RALGAPA2: variants seen among roughly 807,000 people sequenced by gnomAD.
The protein encoded by RALGAPA2 is ral GTPase-activating protein subunit alpha-2.
Under a neutral mutation model 230.4 loss-of-function variants are expected in RALGAPA2, and 139 were observed. The observed-to-expected ratio is 0.60, with a 90% CI of 0.53 to 0.69. The LOEUF (loss-of-function observed/expected upper bound fraction) is 0.69. RALGAPA2 is among the 30% of genes least tolerant of loss of function. The pLI is 0.00. For missense variants in RALGAPA2, 2,163 were observed against 2,276.0 expected (o/e 0.95, Z 1.01); for synonymous variants, 847 against 837.8 (o/e 1.01, Z -0.19).
At chr20:20,426,929 C>T (rs2060395103) in intron 37 of RALGAPA2, among the ~76,000 whole-genome samples, 1 of 152,212 alleles carries the variant, frequency 6.6e-6, no homozygotes, top group Non-Finnish European at 1.5e-5. Context: ...TCATTTAATC[C>T]TCACAACTTC....
chr20:20,540,736 T>C (rs901405661), intron 24 of RALGAPA2, among the ~76,000 whole-genome samples: 1 of 152,140 alleles, frequency 6.6e-6, no homozygotes, highest in Non-Finnish European at 1.5e-5. Context: ...TAGTCTCTAT[T>C]GTGTTGATTC....
Position 20,635,501 on chromosome 20 carries a change from C to G in RALGAPA2, c.922G>C (p.Val308Leu). The G allele has an allele frequency of 1.3e-6, 2 of 1,597,820 alleles. No individual in the cohort carries two copies. The highest frequency in any genetic ancestry group is 1.7e-6 in the Non-Finnish European group (2 of 1,173,902). The change falls in exon 9 of 40, where the codon GTA becomes CTA. Residue 308 changes from valine to leucine, a missense_variant. By Grantham distance (32) the Val-to-Leu change is conservative (BLOSUM62 1). Coordinates refer to ENST00000202677, the MANE Select transcript of RALGAPA2 (RefSeq NM_020343.4). ...AARVVFIKWIVTFFLEKKYLT... is the reference protein window; with the variant it reads ...AARVVFIKWILTFFLEKKYLT... ...TACTTTTTTTCCAAAAAGAAGGTTA[C>G]AATCCACTTAATAAAAACAACACGA...
chr20:20,575,724 G>C (rs890244246), intron 20 of RALGAPA2, among the ~76,000 whole-genome samples: 3 of 152,112 alleles, frequency 2.0e-5, no homozygotes, highest in African/African-American at 4.8e-5. Context: ...ATTTAAGTCA[G>C]GTTGTTTCTT....
chr20:20,588,267 A>G (rs2065188699), intron 18 of RALGAPA2, among the ~76,000 whole-genome samples: 1 of 152,266 alleles, frequency 6.6e-6, no homozygotes, highest in South Asian at 2.1e-4. Context: ...TGGTCTACTT[A>G]TAGTGGAATA....
intron 24 of RALGAPA2, among the ~76,000 whole-genome samples, chr20:20,546,278 A>G (rs1185959638): frequency 6.6e-6 from 1 of 152,208 alleles, no homozygotes; most frequent in Admixed American, 6.5e-5. Context: ...CTGTTCTAAC[A>G]TTTTAAGAAA....
chr20:20,423,434 G>A (rs1371470742), intron 37 of RALGAPA2, among the ~76,000 whole-genome samples: 1 of 152,218 alleles, frequency 6.6e-6, no homozygotes, highest in Non-Finnish European at 1.5e-5. Flanking sequence ...TATGGAGGGA[G>A]CGGGAGACAG....
chr20:20,506,276 C>G (rs1308187035), intron 33 of RALGAPA2, among the ~76,000 whole-genome samples: 2 of 152,072 alleles, frequency 1.3e-5, no homozygotes, highest in African/African-American at 4.8e-5. Flanking sequence ...AAAAAAGAAG[C>G]CCTGCCATTT....
Position 20,653,605 on chromosome 20 carries a change from A to AAAGAAAATAAACAACAAATGAAATTAATT in RALGAPA2, c.271-19_271-18insAATTAATTTCATTTGTTGTTTATTTTCTT. On this transcript the variant is annotated intron_variant, in intron 3 of 39. Transcript: ENST00000202677. ...AGTATTTTCTATTAAAAAAAGATAT[A>AAAGAAAATAAACAACAAATGAAATTAATT]AAGAAAATAAACAACAAATGAAATT... The AAAGAAAATAAACAACAAATGAAATTAATT allele has an allele frequency of 7.4e-7, 1 of 1,355,306 alleles. No homozygotes were observed. Among genetic ancestry groups the AAAGAAAATAAACAACAAATGAAATTAATT allele is most frequent in the Non-Finnish European group, 1.0e-6 (1 of 980,680 alleles). 84.0% of individuals were successfully genotyped at this position (1,355,306 alleles called of 1,614,324 possible).
chr20:20,666,774 G>A (rs991955267), intron 3 of RALGAPA2, among the ~76,000 whole-genome samples: 1 of 152,282 alleles, frequency 6.6e-6, no homozygotes, highest in South Asian at 2.1e-4. Flanking sequence ...GTAGGACACC[G>A]AGCCTGAATC....
intron 36 of RALGAPA2, among the ~76,000 whole-genome samples, chr20:20,474,806 G>C (rs890790354): frequency 6.6e-6 from 1 of 152,114 alleles, no homozygotes; most frequent in African/African-American, 2.4e-5. Context: ...TGATGTATTG[G>C]GCAGGAGTAG....
chr20:20,536,597 C>A (rs1411730218), intron 25 of RALGAPA2, 59 bp downstream of exon 25: 5 of 1,554,740 alleles, frequency 3.2e-6, no homozygotes, highest in Non-Finnish European at 4.4e-6. Flanking sequence ...AAGAGATAAT[C>A]ATACATCTAG....
At chr20:20,407,566 T>C (rs1337769320) in intron 38 of RALGAPA2, among the ~76,000 whole-genome samples, 3 of 152,180 alleles carry the variant, frequency 2.0e-5, no homozygotes, top group Non-Finnish European at 4.4e-5. Context: ...TAAGAGGAGT[T>C]TGTGTAGTGT....
At chr20:20,603,663 A>G (rs2065730474) in intron 15 of RALGAPA2, among the ~76,000 whole-genome samples, 1 of 152,196 alleles carries the variant, frequency 6.6e-6, no homozygotes, top group African/African-American at 2.4e-5. Context: ...TCAACCCGTA[A>G]AAGTAGAGCT....
At chr20:20,621,633 G>A (rs1385268215) in intron 10 of RALGAPA2, among the ~76,000 whole-genome samples, 1 of 152,060 alleles carries the variant, frequency 6.6e-6, no homozygotes, top group Non-Finnish European at 1.5e-5. Flanking sequence ...TTGTAGCATT[G>A]TGCATATTTA....
intron 38 of RALGAPA2, among the ~76,000 whole-genome samples, chr20:20,411,138 A>T (rs993840184): frequency 2.0e-5 from 3 of 152,234 alleles, no homozygotes; most frequent in Non-Finnish European, 2.9e-5. Flanking sequence ...ACAGGTTAGA[A>T]ATCTATTAAG....
chr20:20,547,465 T>C (rs915862706), intron 23 of RALGAPA2, among the ~76,000 whole-genome samples: 1 of 152,214 alleles, frequency 6.6e-6, no homozygotes. Context: ...GCCCCAGACA[T>C]CTTGTGTTCC....
chr20:20,643,761 A>G (rs1007021312), intron 4 of RALGAPA2, among the ~76,000 whole-genome samples: 1 of 152,262 alleles, frequency 6.6e-6, no homozygotes, highest in South Asian at 2.1e-4. Flanking sequence ...CTTTTAAAAC[A>G]GTCAAAATGA....
At chr20:20,605,059 A>C in intron 15 of RALGAPA2, 116 bp downstream of exon 15, 1 of 775,676 alleles carries the variant, frequency 1.3e-6, no homozygotes, top group Admixed American at 2.3e-5. Context: ...TTAAGAAGAC[A>C]CTGTGTAGTT....
At chr20:20,603,648 G>T (rs2065729841) in intron 15 of RALGAPA2, among the ~76,000 whole-genome samples, 1 of 152,184 alleles carries the variant, frequency 6.6e-6, no homozygotes, top group Non-Finnish European at 1.5e-5. Flanking sequence ...CCTGCTGACA[G>T]CCAGTCAACC....
Sources: allele counts gnomAD v4.1 joint callset (sites outside exome capture counted in the v4.1 genomes callset), GRCh38; gene constraint gnomAD v4.1.1; transcripts MANE v1.5; gene names NCBI Gene and HGNC (gene_info 2026-07-23, HGNC 2026-07-21).